TEX26: variants seen among roughly 807,000 people sequenced by gnomAD.
TEX26 encodes the protein testis expressed 26.
In TEX26, 34 loss-of-function variants were observed where a neutral mutation model predicts 35.3. The observed-to-expected ratio is 0.96, with a 90% confidence interval of 0.73 to 1.28. TEX26 has a LOEUF of 1.28. Ranked by LOEUF, TEX26 falls within the 50% of genes most tolerant of loss-of-function variation. The probability of loss-of-function intolerance (pLI) is 0.00; values close to 1 mark genes in which losing one functional copy is unlikely to be tolerated. For synonymous variants in TEX26, 136 were observed against 111.8 expected (o/e 1.22, Z -1.36); for missense variants, 371 against 330.1 (o/e 1.12, Z -0.96).
chr13:30,954,513 G>A (rs976520293), intron 3 of TEX26, among the ~76,000 whole-genome samples: 1 of 151,508 alleles, frequency 6.6e-6, no homozygotes, highest in African/African-American at 2.4e-5. Context: ...GAAGTGCAGT[G>A]GCACAATCAA....
intron 4 of TEX26, among the ~76,000 whole-genome samples, chr13:30,962,334 AC>A (rs777565014): frequency 2.0e-5 from 3 of 151,870 alleles, no homozygotes; most frequent in Non-Finnish European, 4.4e-5. Flanking sequence ...GTCAGCCCCC[AC>A]CCTCATGACC....
chr13:30,973,052 A>G (rs1056364944), intron 6 of TEX26, among the ~76,000 whole-genome samples: 1 of 152,238 alleles, frequency 6.6e-6, no homozygotes, highest in Non-Finnish European at 1.5e-5. Flanking sequence ...GAGAAAGAAA[A>G]CCATATATCC....
chr13:30,954,658 C>G (rs942887475), intron 3 of TEX26, among the ~76,000 whole-genome samples: 6 of 152,010 alleles, frequency 3.9e-5, no homozygotes, highest in African/African-American at 1.4e-4. Flanking sequence ...GAATCTCACT[C>G]TGTTTCCCAG....
At chr13:30,957,897 G>T in intron 4 of TEX26, among the ~76,000 whole-genome samples, 1 of 152,250 alleles carries the variant, frequency 6.6e-6, no homozygotes, top group East Asian at 1.9e-4. Context: ...AGTAATAGGA[G>T]TCTGCCTTGG....
intron 2 of TEX26, among the ~76,000 whole-genome samples, chr13:30,948,268 C>T (rs1048851080): frequency 3.3e-4 from 51 of 152,266 alleles, no homozygotes; most frequent in African/African-American, 1.2e-3. Context: ...AATGGGATGG[C>T]TGGATCAAAT....
intron 2 of TEX26, among the ~76,000 whole-genome samples, chr13:30,941,936 T>C (rs1468000874): frequency 6.6e-6 from 1 of 152,212 alleles, no homozygotes; most frequent in African/African-American, 2.4e-5. Flanking sequence ...GTTGGTTTTA[T>C]ATCTTTAAAA....
At chr13:30,935,791 C>T (rs559096304) in intron 1 of TEX26, among the ~76,000 whole-genome samples, 1 of 152,364 alleles carries the variant, frequency 6.6e-6, no homozygotes, top group African/African-American at 2.4e-5. Context: ...AACACTAAAA[C>T]TCTTCTTCAC....
chr13:30,938,360 T>G (rs1953350851), intron 1 of TEX26, among the ~76,000 whole-genome samples: 1 of 152,152 alleles, frequency 6.6e-6, no homozygotes. Context: ...ACTGGGTAAT[T>G]TATAAGGAAA....
rs146275936 is a variant in TEX26 at position 30,947,317 on chromosome 13, TTC to T, written c.147-5341_147-5340del. Among the ~76,000 whole-genome samples the T allele has an allele frequency of 2.6e-3, 391 of 152,284 alleles. 2 individuals are homozygous for T. Among genetic ancestry groups the T allele is most frequent in the African/African-American group, 9.0e-3 (374 of 41,586 alleles). On this transcript the variant is annotated intron_variant, in intron 2 of 6. Coordinates refer to ENST00000380473, the MANE Select transcript of TEX26 (RefSeq NM_152325.3). ...TGAAACTGCACTCAGCATCAATTTT[TTC>T]TGCTTCTCTCTTTTTTCAATTTATA... is the stretch of plus-strand genomic sequence containing the variant.
At chr13:30,948,372 C>T (rs1375853928) in intron 2 of TEX26, among the ~76,000 whole-genome samples, 1 of 152,164 alleles carries the variant, frequency 6.6e-6, no homozygotes, top group Non-Finnish European at 1.5e-5. Flanking sequence ...TAAAATTGTT[C>T]CTATTTGTCC....
chr13:30,958,323 T>C (rs571773238), intron 4 of TEX26, among the ~76,000 whole-genome samples: 1 of 152,358 alleles, frequency 6.6e-6, no homozygotes, highest in East Asian at 1.9e-4. Context: ...TTATTGAGAA[T>C]TCATGAAAAT....
At position 30,932,725 on chromosome 13, in the gene TEX26, C is replaced by T. The variant is rs760963681; in HGVS notation, c.10C>T (p.Pro4Ser). The T allele has an allele frequency of 6.2e-7, 1 of 1,613,568 alleles. No individual in the cohort carries two copies. The highest frequency in any genetic ancestry group is 1.7e-5 in the Admixed American group (1 of 60,016). The change falls in exon 1 of 7, where the codon CCT becomes TCT. Residue 4 changes from proline (P) to serine (S), a missense_variant. Physicochemically the swap from Pro to Ser is moderately conservative, Grantham distance 74. Coordinates refer to ENST00000380473, the MANE Select transcript of TEX26 (RefSeq NM_152325.3). MEQPGPRAPDPSLC... is the reference protein window; with the variant it reads MEQSGPRAPDPSLC... ...CGCCTCCTGGGGCAGAATGGAACAG[C>T]CTGGGCCCAGGGCTCCGGATCCCTC...
intron 2 of TEX26, among the ~76,000 whole-genome samples, chr13:30,940,243 G>A (rs1030341025): frequency 6.8e-6 from 1 of 147,098 alleles, no homozygotes; most frequent in Non-Finnish European, 1.5e-5. Flanking sequence ...CACTCCTCCA[G>A]ATACTGCAAT....
chr13:30,962,357 C>G (rs1223984563), intron 4 of TEX26, among the ~76,000 whole-genome samples: 1 of 152,328 alleles, frequency 6.6e-6, no homozygotes, highest in South Asian at 2.1e-4. Context: ...TGCCAGCCGT[C>G]CCGACTAACA....
intron 6 of TEX26, among the ~76,000 whole-genome samples, chr13:30,973,708 C>T (rs531859884): frequency 5.9e-5 from 9 of 152,240 alleles, no homozygotes; most frequent in Non-Finnish European, 1.3e-4. Context: ...CCTCCACTGG[C>T]ATTTGTGACA....
At chr13:30,952,213 G>A (rs551682441) in intron 2 of TEX26, among the ~76,000 whole-genome samples, 1 of 151,796 alleles carries the variant, frequency 6.6e-6, no homozygotes, top group African/African-American at 2.4e-5. Flanking sequence ...CTCTTTTGGA[G>A]CTGTGAGTGG....
chr13:30,956,154 A>C, intron 3 of TEX26, among the ~76,000 whole-genome samples: 1 of 134,750 alleles, frequency 7.4e-6, no homozygotes, highest in African/African-American at 2.7e-5. Context: ...TCCTAATGCT[A>C]TCCCTCCCCC....
At chr13:30,949,098 A>G (rs1173053408) in intron 2 of TEX26, among the ~76,000 whole-genome samples, 1 of 152,150 alleles carries the variant, frequency 6.6e-6, no homozygotes, top group African/African-American at 2.4e-5. Flanking sequence ...CCATTGGTCT[A>G]TATCTCTGTT....
At chr13:30,946,059 T>C (rs1953696491) in intron 2 of TEX26, among the ~76,000 whole-genome samples, 1 of 151,980 alleles carries the variant, frequency 6.6e-6, no homozygotes, top group Non-Finnish European at 1.5e-5. Context: ...TTCCAAACTT[T>C]TTACTTACTC....
Sources: allele counts gnomAD v4.1 joint callset (sites outside exome capture counted in the v4.1 genomes callset), GRCh38; gene constraint gnomAD v4.1.1; transcripts MANE v1.5; gene names NCBI Gene and HGNC (gene_info 2026-07-23, HGNC 2026-07-21).